Variants in PDE1C observed in about 807,000 individuals in gnomAD.
The protein encoded by PDE1C is dual specificity calcium/calmodulin-dependent 3',5'-cyclic nucleotide phosphodiesterase 1C.
PDE1C carries 62 observed loss-of-function variants against 93.1 expected under a neutral mutation model. The observed-to-expected ratio is 0.67, with a 90% CI of 0.54 to 0.82. The LOEUF (loss-of-function observed/expected upper bound fraction) is 0.82, where lower values mean the gene tolerates loss of function less well. Ranked by LOEUF, PDE1C falls within the 40% of genes least tolerant of loss-of-function variation. The pLI is 0.00. For missense variants in PDE1C, 742 were observed against 884.6 expected (o/e 0.84, Z 2.04); for synonymous variants, 325 against 310.1 (o/e 1.05, Z -0.50).
chr7:31,658,379 C>G, the PDE1C span: 38 of 1,511,906 alleles, frequency 2.5e-5, no homozygotes, highest in Admixed American at 8.4e-4. Context: ...ACACAAGACT[C>G]TGGTCTGTTG....
At chr7:32,092,481 C>T (rs1209326820) in intron 3 of PDE1C, among the ~76,000 whole-genome samples, 1 of 152,112 alleles carries the variant, frequency 6.6e-6, no homozygotes, top group African/African-American at 2.4e-5. Context: ...GCCAGGGCTC[C>T]TCTCTCCTGT....
At chr7:32,286,178 A>C (rs1811986310) in intron 1 of PDE1C, among the ~76,000 whole-genome samples, 1 of 152,062 alleles carries the variant, frequency 6.6e-6, no homozygotes, top group Non-Finnish European at 1.5e-5. Context: ...AAAGTCATAA[A>C]CTCTCTCATT....
At chr7:32,240,872 G>A (rs1180140301) in intron 1 of PDE1C, among the ~76,000 whole-genome samples, 2 of 151,808 alleles carry the variant, frequency 1.3e-5, no homozygotes, top group African/African-American at 2.4e-5. Flanking sequence ...ATAGCGATTT[G>A]GTCAAAAAGG....
intron 1 of PDE1C, among the ~76,000 whole-genome samples, chr7:32,402,922 G>A (rs1784977399): frequency 6.6e-6 from 1 of 152,138 alleles, no homozygotes; most frequent in Non-Finnish European, 1.5e-5. Context: ...CTATGAGAAG[G>A]TGCCCCAACA....
chr7:32,106,903 A>T (rs1399137798), intron 3 of PDE1C, among the ~76,000 whole-genome samples: 1 of 152,110 alleles, frequency 6.6e-6, no homozygotes, highest in East Asian at 1.9e-4. Context: ...ACTAAAATTA[A>T]TATACTAATG....
At chr7:32,400,069 G>A (rs1397847779) in intron 1 of PDE1C, among the ~76,000 whole-genome samples, 1 of 152,148 alleles carries the variant, frequency 6.6e-6, no homozygotes, top group African/African-American at 2.4e-5. Flanking sequence ...CATAAAGTAG[G>A]TAGAGCTCTA....
At chr7:32,243,244 A>G (rs916484015) in intron 1 of PDE1C, among the ~76,000 whole-genome samples, 1 of 152,206 alleles carries the variant, frequency 6.6e-6, no homozygotes, top group African/African-American at 2.4e-5. Flanking sequence ...CTTTCTACAA[A>G]TGAGCACTGA....
At chr7:31,743,622 A>C in the PDE1C span, among the ~76,000 whole-genome samples, 1 of 152,064 alleles carries the variant, frequency 6.6e-6, no homozygotes, top group Admixed American at 6.5e-5. Flanking sequence ...AAAGTAAAAT[A>C]AAACTAATGT....
chr7:32,419,809 C>A (rs949399541), intron 1 of PDE1C, among the ~76,000 whole-genome samples: 1 of 151,736 alleles, frequency 6.6e-6, no homozygotes, highest in Non-Finnish European at 1.5e-5. Flanking sequence ...ACCACCAGTG[C>A]GGAGATGTAA....
intron 2 of PDE1C, among the ~76,000 whole-genome samples, chr7:32,207,356 A>C (rs1276779620): frequency 3.2e-5 from 4 of 125,970 alleles, no homozygotes; most frequent in African/African-American, 7.6e-5. Flanking sequence ...TTCCAGTCTC[A>C]AAAAAAAAAA....
intron 1 of PDE1C, among the ~76,000 whole-genome samples, chr7:32,356,550 A>C (rs1367935505): frequency 6.6e-6 from 1 of 152,234 alleles, no homozygotes; most frequent in Non-Finnish European, 1.5e-5. Context: ...ATAGAATTAT[A>C]TTCACAAATC....
At chr7:31,902,890 TGATA>T (rs768904918) in intron 2 of PDE1C, among the ~76,000 whole-genome samples, 4 of 151,698 alleles carry the variant, frequency 2.6e-5, no homozygotes, top group Non-Finnish European at 5.9e-5. Context: ...ATCAGTTACC[TGATA>T]GAGTCTACAT....
the PDE1C span, among the ~76,000 whole-genome samples, chr7:31,678,076 G>C: frequency 6.6e-6 from 1 of 152,044 alleles, no homozygotes; most frequent in East Asian, 1.9e-4. Context: ...AATAAAAAAT[G>C]TTCTAACGCT....
the PDE1C span, among the ~76,000 whole-genome samples, chr7:31,726,741 A>G: frequency 6.6e-6 from 1 of 152,200 alleles, no homozygotes; most frequent in Non-Finnish European, 1.5e-5. Context: ...GGTAAGATTT[A>G]TTAAGATGTG....
At chr7:31,738,194 C>T in the PDE1C span, among the ~76,000 whole-genome samples, 1 of 152,158 alleles carries the variant, frequency 6.6e-6, no homozygotes, top group African/African-American at 2.4e-5. Context: ...AGAGAGGATA[C>T]ATGAGCCCAA....
intron 1 of PDE1C, among the ~76,000 whole-genome samples, chr7:32,246,725 C>T (rs556480367): frequency 2.6e-4 from 40 of 152,336 alleles, no homozygotes; most frequent in African/African-American, 9.1e-4. Flanking sequence ...TCCTAAATAT[C>T]AGCTGTGTGA....
chr7:32,146,276 C>T (rs1395390006), intron 3 of PDE1C, among the ~76,000 whole-genome samples: 2 of 152,170 alleles, frequency 1.3e-5, no homozygotes, highest in East Asian at 1.9e-4. Flanking sequence ...ATGACCACAA[C>T]CTTAGTAGCT....
At chr7:32,133,477 G>T (rs4476905) in intron 3 of PDE1C, among the ~76,000 whole-genome samples, 19,091 of 152,100 alleles carry the variant, frequency 0.13, 2,119 homozygotes, top group African/African-American at 0.3. Context: ...TTGGCTGAAG[G>T]AACCAGGGGA....
chr7:31,689,730 T>C, the PDE1C span, among the ~76,000 whole-genome samples: 1 of 152,298 alleles, frequency 6.6e-6, no homozygotes, highest in South Asian at 2.1e-4. Flanking sequence ...TCCCCTCCAC[T>C]TGCTTGTTCT....
Sources: gnomAD v4.1 joint callset for allele counts (sites outside exome capture counted in the v4.1 genomes callset) on GRCh38, gnomAD v4.1.1 for gene constraint, MANE v1.5 for transcripts, NCBI Gene and HGNC (gene_info 2026-07-23, HGNC 2026-07-21) for gene names.